FBXL2: variants seen among roughly 807,000 people sequenced by gnomAD.
FBXL2 encodes the protein F-box and leucine rich repeat protein 2, also known as F-box/LRR-repeat protein 2.
A neutral mutation model predicts 69.2 loss-of-function variants in FBXL2; 38 were observed. That is an observed-to-expected ratio of 0.55 (90% confidence interval 0.42 to 0.72). The LOEUF is 0.72. FBXL2 is among the 30% of genes least tolerant of loss of function. The pLI is 0.00. For synonymous variants in FBXL2, 192 were observed against 201.3 expected (o/e 0.95, Z 0.39); for missense variants, 354 against 520.3 (o/e 0.68, Z 3.11).
At chr3:33,344,392 G>A (rs1327612096) in intron 2 of FBXL2, among the ~76,000 whole-genome samples, 1 of 152,048 alleles carries the variant, frequency 6.6e-6, no homozygotes, top group African/African-American at 2.4e-5. Flanking sequence ...AGATCAAATT[G>A]AGTGGACTTA....
At chr3:33,371,046 T>C (rs557416928) in intron 5 of FBXL2, among the ~76,000 whole-genome samples, 1 of 152,332 alleles carries the variant, frequency 6.6e-6, no homozygotes, top group African/African-American at 2.4e-5. Context: ...TCTGTTTCTG[T>C]GTTTCGTTTT....
At chr3:33,285,744 T>G (rs1386689160) in intron 1 of FBXL2, among the ~76,000 whole-genome samples, 3 of 152,198 alleles carry the variant, frequency 2.0e-5, no homozygotes, top group Non-Finnish European at 4.4e-5. Flanking sequence ...TCATTTCTTT[T>G]CTTTTTTCTC....
At chr3:33,415,490 G>A in the FBXL2 span, among the ~76,000 whole-genome samples, 1 of 152,202 alleles carries the variant, frequency 6.6e-6, no homozygotes, top group Non-Finnish European at 1.5e-5. Context: ...AAGTTGGCAT[G>A]AGAACTTATG....
chr3:33,400,828 T>C, intron 12 of FBXL2: 1 of 828,998 alleles, frequency 1.2e-6, no homozygotes, highest in East Asian at 2.8e-5. Context: ...ACCCAAAATA[T>C]CCTGACTCGA....
chr3:33,372,954 G>GT, intron 5 of FBXL2, 138 bp from the exon 6 acceptor site: 2 of 755,552 alleles, frequency 2.6e-6, no homozygotes, highest in South Asian at 3.1e-5. Context: ...AATCTGCACT[G>GT]TGACAAGAAC....
the FBXL2 span, among the ~76,000 whole-genome samples, chr3:33,416,448 A>G: frequency 1.3e-5 from 2 of 152,226 alleles, no homozygotes; most frequent in East Asian, 1.9e-4. Context: ...TTTTATGCCA[A>G]CATTGACATT....
At chr3:33,410,282 G>C in the FBXL2 span, among the ~76,000 whole-genome samples, 1 of 152,158 alleles carries the variant, frequency 6.6e-6, no homozygotes, top group African/African-American at 2.4e-5. Context: ...CAAGACCTTG[G>C]TCATTTCTGA....
At chr3:33,385,294 CGTAA>C (rs1051084947) in intron 14 of FBXL2, among the ~76,000 whole-genome samples, 3 of 152,114 alleles carry the variant, frequency 2.0e-5, no homozygotes, top group Non-Finnish European at 2.9e-5. Context: ...AACGTATCAA[CGTAA>C]GTGTTTTCAC....
chr3:33,322,802 A>ATT (rs2038350653), intron 2 of FBXL2, among the ~76,000 whole-genome samples: 1 of 152,168 alleles, frequency 6.6e-6, no homozygotes, highest in Admixed American at 6.5e-5. Context: ...GGTGTCATAT[A>ATT]TTGTGTGTGT....
chr3:33,347,607 A>C (rs565733852), intron 2 of FBXL2, among the ~76,000 whole-genome samples: 52 of 152,310 alleles, frequency 3.4e-4, no homozygotes, highest in Non-Finnish European at 7.4e-4. Flanking sequence ...ACTGTTCTTC[A>C]TAACAGTTGT....
chr3:33,345,655 T>C (rs1204768307), intron 2 of FBXL2, among the ~76,000 whole-genome samples: 1 of 152,130 alleles, frequency 6.6e-6, no homozygotes, highest in Non-Finnish European at 1.5e-5. Flanking sequence ...TTCTAAGTCA[T>C]AAAACACTCA....
chr3:33,291,478 A>C (rs1181808466), intron 1 of FBXL2, among the ~76,000 whole-genome samples: 1 of 152,214 alleles, frequency 6.6e-6, no homozygotes, highest in African/African-American at 2.4e-5. Flanking sequence ...GGGACCTTTT[A>C]AAATATGTTT....
At chr3:33,313,467 A>G (rs1416121758) in intron 2 of FBXL2, among the ~76,000 whole-genome samples, 4 of 152,118 alleles carry the variant, frequency 2.6e-5, no homozygotes, top group East Asian at 1.9e-4. Flanking sequence ...TGTTTAGAGA[A>G]TAGGGTCTCA....
intron 1 of FBXL2, among the ~76,000 whole-genome samples, chr3:33,280,447 G>T (rs978449053): frequency 1.3e-5 from 2 of 152,082 alleles, no homozygotes; most frequent in African/African-American, 4.8e-5. Flanking sequence ...AGTGGCTCAC[G>T]CCTGTAATCC....
At chr3:33,369,598 TATTATTATC>T (rs540734179) in intron 5 of FBXL2, among the ~76,000 whole-genome samples, 67 of 152,176 alleles carry the variant, frequency 4.4e-4, no homozygotes, top group Admixed American at 1.9e-3. Context: ...TTAAGAGATT[TATTATTATC>T]ATTATTATCA....
chr3:33,350,243 A>G (rs1440149608), intron 2 of FBXL2, among the ~76,000 whole-genome samples: 1 of 152,228 alleles, frequency 6.6e-6, no homozygotes, highest in East Asian at 1.9e-4. Flanking sequence ...TTAACATTCA[A>G]AAGTCAGTGT....
intron 2 of FBXL2, among the ~76,000 whole-genome samples, chr3:33,328,168 G>A (rs899400251): frequency 6.6e-5 from 10 of 151,992 alleles, no homozygotes; most frequent in Admixed American, 1.3e-4. Flanking sequence ...TCTGTACAAG[G>A]AAAATCTAAA....
chr3:33,325,879 A>G (rs954450834), intron 2 of FBXL2, among the ~76,000 whole-genome samples: 5 of 152,214 alleles, frequency 3.3e-5, no homozygotes, highest in Non-Finnish European at 2.9e-5. Context: ...ACCAAAAAAT[A>G]TAATGATTGC....
chr3:33,418,274 CAGGG>C, the FBXL2 span, among the ~76,000 whole-genome samples: 5 of 151,946 alleles, frequency 3.3e-5, no homozygotes, highest in Non-Finnish European at 5.9e-5. Flanking sequence ...TTTATTTTGA[CAGGG>C]AGCTTCGTTC....
Sources: gnomAD v4.1 joint callset for allele counts (sites outside exome capture counted in the v4.1 genomes callset) on GRCh38, gnomAD v4.1.1 for gene constraint, MANE v1.5 for transcripts, NCBI Gene and HGNC (gene_info 2026-07-23, HGNC 2026-07-21) for gene names.